Variants in SPEG observed in about 807,000 individuals in gnomAD.
SPEG encodes the protein striated muscle preferentially expressed protein kinase.
In SPEG, 114 loss-of-function variants were observed where a neutral mutation model predicts 300.4. The observed-to-expected ratio is 0.38, with a 90% CI of 0.33 to 0.44. SPEG has a LOEUF of 0.44. Among genes scored for constraint, SPEG ranks in the 20% least tolerant of loss-of-function variants. SPEG has a pLI of 1.00. For synonymous variants in SPEG, 1,964 were observed against 2,018.9 expected (o/e 0.97, Z 0.73); for missense variants, 4,201 against 4,586.2 (o/e 0.92, Z 2.43).
At chr2:219,435,450 C>G in intron 1 of SPEG, 85 bp downstream of exon 1, 3 of 1,335,740 alleles carry the variant, frequency 2.2e-6, no homozygotes, top group African/African-American at 1.5e-5. Context: ...GGGTAAGGTA[C>G]TGGATACTGG....
intron 1 of SPEG, among the ~76,000 whole-genome samples, chr2:219,436,087 GA>G (rs1254316461): frequency 2.0e-5 from 3 of 152,246 alleles, no homozygotes; most frequent in African/African-American, 7.2e-5. Flanking sequence ...GCTGGAATGG[GA>G]AGCTCCTGGA....
At chr2:219,453,017 C>T (rs1297729552) in intron 6 of SPEG, among the ~76,000 whole-genome samples, 2 of 152,228 alleles carry the variant, frequency 1.3e-5, no homozygotes. Flanking sequence ...CTCCTCCTAC[C>T]CCTCCTACCC....
chr2:219,460,109 T>C (rs987943318), intron 6 of SPEG, among the ~76,000 whole-genome samples: 68 of 152,244 alleles, frequency 4.5e-4, no homozygotes, highest in African/African-American at 1.2e-3. Context: ...CTAAGGTGGG[T>C]GGCGGGCAAG....
At chr2:219,470,552 C>T (rs1691781968) in intron 13 of SPEG, among the ~76,000 whole-genome samples, 1 of 152,196 alleles carries the variant, frequency 6.6e-6, no homozygotes, top group Non-Finnish European at 1.5e-5. Context: ...GGCTTCTCTT[C>T]TCTTATAAAT....
In SPEG at chr2:219,484,511, C is replaced by A. The variant is rs906233595; in HGVS notation, c.7048C>A (p.Arg2350=). 8.7e-6 allele frequency: 14 copies of A among 1,602,928 alleles called. No homozygotes were observed. Among genetic ancestry groups the A allele is most frequent in the Non-Finnish European group, 1.1e-5 (13 of 1,177,040 alleles). Residue 2350 remains arginine (R), a synonymous_variant, in exon 30 of 41, where the codon CGG becomes AGG. Transcript: ENST00000312358. The part of the protein sequence containing the change: ...SRESPLSLGL[R]LLSRSRSEER... ...CGAGTCGCCCCTGTCGCTGGGGCTG[C>A]GGCTGCTGAGCCGTTCGCGCTCGGA...
intron 1 of SPEG, among the ~76,000 whole-genome samples, chr2:219,437,784 C>T (rs1478388453): frequency 2.0e-5 from 3 of 152,098 alleles, no homozygotes; most frequent in African/African-American, 7.2e-5. Context: ...GTTGCCCACC[C>T]CCACCAGCCC....
Position 219,481,663 on chromosome 2 carries a change from G to C in SPEG, c.5548G>C (p.Glu1850Gln), listed in dbSNP as rs377029891. The C allele has an allele frequency of 3.1e-6, 5 of 1,614,136 alleles. No homozygotes were observed. Among genetic ancestry groups the C allele is most frequent in the East Asian group, 4.5e-5 (2 of 44,884 alleles). Residue 1850 changes from glutamate (E) to glutamine (Q), a missense_variant, in exon 28 of 41, where the codon GAA becomes CAA. Around this residue, in one of 4 missense-constraint regions of SPEG, gnomAD observed 1,047 missense variants for 1,356.8 expected, o/e 0.77. Transcript: ENST00000312358. The surrounding 1 kb of genome is among the most constrained non-coding windows in gnomAD (Gnocchi z 5.4). ...GAGACCTACCGCAGAAGAGACCCTA[G>C]AACATCCTTGGTTCAAAGTGAGTCT... is the stretch of plus-strand genomic sequence containing the variant. ...RLRPTAEETL[E>Q]HPWFKTQAKG...
intron 22 of SPEG, among the ~76,000 whole-genome samples, chr2:219,478,877 T>G (rs888255329): frequency 3.3e-5 from 5 of 152,174 alleles, no homozygotes; most frequent in African/African-American, 7.2e-5. Flanking sequence ...ATATTACTCC[T>G]GGGAGAACCT....
intron 1 of SPEG, among the ~76,000 whole-genome samples, chr2:219,435,842 T>C (rs1467996338): frequency 1.3e-5 from 2 of 152,162 alleles, no homozygotes; most frequent in Admixed American, 6.5e-5. Flanking sequence ...CTGCAGGCCA[T>C]TGCCGTGGCA....
chr2:219,477,124 A>G lies in SPEG; in HGVS notation c.4560+142A>G. 1 of 981,072 alleles carries G rather than the reference A, an allele frequency of 1.0e-6. No individual in the cohort carries two copies. The highest frequency in any genetic ancestry group is 1.6e-5 in the African/African-American group (1 of 62,982). The allele number at this position is 981,072 out of a possible 1,614,324, so 60.8% of individuals were successfully genotyped here. On this transcript the variant is annotated intron_variant, in intron 19 of 40. Coordinates refer to ENST00000312358, the MANE Select transcript of SPEG (RefSeq NM_005876.5). This position sits in a 1 kb window ranked among gnomAD's most constrained non-coding sequence, Gnocchi z 6.4. ...GGAAAGGGGCTGCAGAGGACTGACT[A>G]GCTGAGGGGTGCAGGGCTTTCTGTG... is the stretch of plus-strand genomic sequence containing the variant.
chr2:219,448,188 C>T lies in SPEG; in HGVS notation c.1030C>T (p.Leu344=), dbSNP rs1434090532. The change falls in exon 4 of 41, where the codon CTG becomes TTG. Residue 344 remains leucine (L), a synonymous_variant. Coordinates refer to ENST00000312358, the MANE Select transcript of SPEG (RefSeq NM_005876.5). ...CCACCGTCGCACTCAGGAGCCTGTG[C>T]TGCCCGAGGACACCACCACCGAAGA... The part of the protein sequence containing the change: ...SPHRRTQEPV[L]PEDTTTEEKR... The T allele has an allele frequency of 3.1e-6, 5 of 1,612,272 alleles. No homozygotes were observed. The East Asian group carries it at 6.7e-5, about 22-fold the overall frequency.
In SPEG at chr2:219,480,264, T is replaced by G. The variant is rs927116623; in HGVS notation, c.5342+124T>G. The G allele has an allele frequency of 2.9e-5, 31 of 1,055,050 alleles. No individual in the cohort carries two copies. The African/African-American group carries it at 4.1e-4, about 14-fold the overall frequency. 65.4% of individuals were successfully genotyped at this position (1,055,050 alleles called of 1,614,324 possible). On this transcript the variant is annotated intron_variant, in intron 25 of 40. Coordinates refer to ENST00000312358, the MANE Select transcript of SPEG (RefSeq NM_005876.5). The surrounding 1 kb of genome is among the most constrained non-coding windows in gnomAD (Gnocchi z 5.3). The stretch of plus-strand genomic sequence containing the variant: ...CCTCCTGAAGGTGGGCTGGAGGCAT[T>G]GTTTGCAGGGTCTCCTGCCCATGTT...
Position 219,473,267 on chromosome 2 carries a change from G to GGGCA in SPEG, c.4147+172_4147+175dup, listed in dbSNP as rs977405126. ...TTCCTTCTCCCTCCTGAAAGCAGCA[G>GGGCA]GGCACGGTGGCTGAAGCTCAGGCTT... On this transcript the variant is annotated intron_variant, in intron 16 of 40. Coordinates refer to ENST00000312358, the MANE Select transcript of SPEG (RefSeq NM_005876.5). The surrounding 1 kb of genome is among the most constrained non-coding windows in gnomAD (Gnocchi z 4.6). 1.4e-5 allele frequency: 11 copies of GGGCA among 770,406 alleles called. No individual in the cohort carries two copies. Among genetic ancestry groups the GGGCA allele is most frequent in the Non-Finnish European group, 2.3e-5 (11 of 486,334 alleles). The allele number at this position is 770,406 out of a possible 1,614,324, so 47.7% of individuals were successfully genotyped here.
chr2:219,478,571 G>A (rs908484737), intron 22 of SPEG, among the ~76,000 whole-genome samples: 2 of 152,142 alleles, frequency 1.3e-5, no homozygotes, highest in Non-Finnish European at 2.9e-5. Flanking sequence ...TTTTCATAAG[G>A]AACAGATTTT....
rs1163409086 is a variant in SPEG at position 219,469,387 on chromosome 2, T to C, written c.3715+8T>C. ...ACCGGCGCATGACACAGTGTACGTG[T>C]CTGGGAAGTTCCCCGGGAGTGTCCC... On this transcript the variant is annotated splice_region_variant and intron_variant, in intron 13 of 40. Coordinates refer to ENST00000312358, the MANE Select transcript of SPEG (RefSeq NM_005876.5). 2 of 1,608,566 alleles carry C rather than the reference T, an allele frequency of 1.2e-6. No homozygotes were observed. The highest frequency in any genetic ancestry group is 2.2e-5 in the South Asian group (2 of 90,594).
rs754443665 is a variant in SPEG at position 219,451,200 on chromosome 2, C to T, written c.2178C>T (p.Ile726=). Residue 726 remains isoleucine (I), a synonymous_variant, in exon 5 of 41, where the codon ATC becomes ATT. Transcript: ENST00000312358. This position sits in a 1 kb window ranked among gnomAD's most constrained non-coding sequence, Gnocchi z 6.4. ...EEPLEAPVFE[I]PLQNVVVAPG... ...CCCTAGAGGCCCCTGTGTTTGAGAT[C>T]CCCCTGCAGAATGTGGTGGTGGCAC... 6.2e-7 allele frequency: 1 copy of T among 1,613,740 alleles called. No homozygotes were observed. The highest frequency in any genetic ancestry group is 2.2e-5 in the East Asian group (1 of 44,854).
chr2:219,455,604 T>C (rs1690115008), intron 6 of SPEG, among the ~76,000 whole-genome samples: 1 of 152,202 alleles, frequency 6.6e-6, no homozygotes, highest in African/African-American at 2.4e-5. Flanking sequence ...CTCTCAAGCC[T>C]ACACTCCTAA....
intron 18 of SPEG, among the ~76,000 whole-genome samples, 197 bp from the exon 19 acceptor site, chr2:219,476,673 G>T (rs996072927): frequency 1.1e-4 from 17 of 152,040 alleles, no homozygotes; most frequent in African/African-American, 4.1e-4. Flanking sequence ...TTTACGGGGC[G>T]GGGCGGGGCT....
chr2:219,467,016 G>A (rs1470296962), intron 9 of SPEG, among the ~76,000 whole-genome samples, 158 bp from the exon 10 acceptor site: 1 of 152,158 alleles, frequency 6.6e-6, no homozygotes, highest in African/African-American at 2.4e-5. Flanking sequence ...GGCATGCCTT[G>A]CTGTCCTGGC....
Sources: gnomAD v4.1 joint callset for allele counts (sites outside exome capture counted in the v4.1 genomes callset) on GRCh38, gnomAD v4.1.1 for gene constraint, gnomAD v4.1.1 regional missense constraint, Gnocchi (gnomAD v3.1) non-coding constraint, MANE v1.5 for transcripts, NCBI Gene and HGNC (gene_info 2026-07-23, HGNC 2026-07-21) for gene names.